Variants in MAGI2 observed in about 807,000 individuals in gnomAD.
MAGI2 encodes membrane-associated guanylate kinase, WW and PDZ domain-containing protein 2.
Under a neutral mutation model 133.3 loss-of-function variants are expected in MAGI2, and 35 were observed. The ratio of observed to expected loss-of-function variants is 0.26; its 90% CI spans 0.20 to 0.35. MAGI2 has a LOEUF of 0.35. Among genes scored for constraint, MAGI2 ranks in the 10% least tolerant of loss-of-function variants. The pLI, the probability that MAGI2 is intolerant of heterozygous loss-of-function variation, is 1.00. For synonymous variants in MAGI2, 729 were observed against 710.6 expected, an observed-to-expected ratio of 1.03 and a Z score of -0.41; for missense variants, 1,636 against 1,863.4, an observed-to-expected ratio of 0.88 and a Z score of 2.25.
At chr7:78,781,319 C>A (rs1826376639) in intron 2 of MAGI2, among the ~76,000 whole-genome samples, 2 of 140,998 alleles carry the variant, frequency 1.4e-5, no homozygotes, top group Admixed American at 1.6e-4. Flanking sequence ...ATGGAGCTTG[C>A]AGTGAGCCGA....
intron 4 of MAGI2, among the ~76,000 whole-genome samples, chr7:78,519,686 C>A (rs1241269912): frequency 6.6e-6 from 1 of 152,108 alleles, no homozygotes; most frequent in East Asian, 1.9e-4. Flanking sequence ...CATAATTAAA[C>A]AAGTTTCTAG....
chr7:78,783,409 C>T (rs1192799724), intron 2 of MAGI2, among the ~76,000 whole-genome samples: 1 of 152,004 alleles, frequency 6.6e-6, no homozygotes, highest in Admixed American at 6.6e-5. Context: ...GTTGATTTAA[C>T]CTGGAGATGG....
intron 1 of MAGI2, among the ~76,000 whole-genome samples, chr7:79,038,531 A>AT (rs1811327238): frequency 6.6e-6 from 1 of 152,124 alleles, no homozygotes; most frequent in African/African-American, 2.4e-5. Flanking sequence ...TTATACTTTC[A>AT]TTTTTTAAAA....
At chr7:78,982,273 C>G (rs1239563885) in intron 2 of MAGI2, among the ~76,000 whole-genome samples, 1 of 151,852 alleles carries the variant, frequency 6.6e-6, no homozygotes, top group Non-Finnish European at 1.5e-5. Context: ...AAAAGGATTT[C>G]TACTTTGGCT....
chr7:78,162,764 AAAATCAGGAAGTTAAGAAGACTTCGAAG>A (rs1379611279), intron 15 of MAGI2, among the ~76,000 whole-genome samples: 1 of 152,138 alleles, frequency 6.6e-6, no homozygotes, highest in East Asian at 1.9e-4. Context: ...GAGCATATTT[AAAATCAGGAAGTTAAGAAGACTTCGAAG>A]GTCTTCCTGG....
intron 1 of MAGI2, among the ~76,000 whole-genome samples, chr7:79,203,871 C>A (rs998644241): frequency 4.6e-5 from 7 of 152,048 alleles, no homozygotes; most frequent in African/African-American, 1.5e-4. Context: ...GGGTAGGACT[C>A]TCCAGTGGTC....
chr7:78,190,773 A>G (rs10278766), intron 12 of MAGI2, among the ~76,000 whole-genome samples: 102,178 of 152,138 alleles, frequency 0.67, 34,369 homozygotes, highest in East Asian at 0.81. Context: ...CATTAGGAAT[A>G]TTAGCATACA....
chr7:78,558,960 C>T (rs1261597518), intron 3 of MAGI2, among the ~76,000 whole-genome samples: 5 of 148,070 alleles, frequency 3.4e-5, no homozygotes, highest in African/African-American at 1.0e-4. Context: ...CTTAAATATA[C>T]ATGAGACTAA....
At chr7:78,262,776 C>CA (rs1034731896) in intron 9 of MAGI2, among the ~76,000 whole-genome samples, 27 of 152,290 alleles carry the variant, frequency 1.8e-4, no homozygotes, top group African/African-American at 6.3e-4. Flanking sequence ...AATTCTAAGA[C>CA]AAAGGCCCTT....
chr7:79,418,546 T>G (rs961067359), intron 1 of MAGI2, among the ~76,000 whole-genome samples: 5 of 152,060 alleles, frequency 3.3e-5, no homozygotes, highest in African/African-American at 1.2e-4. Flanking sequence ...GACCAATGTA[T>G]GAAATTGTTT....
rs372839661 is a variant in MAGI2 at position 78,695,843 on chromosome 7, G to T, written c.419-68604C>A. Among the ~76,000 whole-genome samples, 3 of 152,282 alleles carry T rather than the reference G, an allele frequency of 2.0e-5. No individual in the cohort carries two copies. The East Asian group carries it at 5.8e-4, about 29-fold the overall frequency. ...TGGGCTTGTTTCTGCTGCCCCATCA[G>T]GAGGCTTCCAGAAACAAGATTTCTG... On this transcript the variant is annotated intron_variant, in intron 2 of 21. Transcript: ENST00000354212.
In MAGI2 at chr7:79,005,729, T is replaced by C. The variant is rs191995237; in HGVS notation, c.418+1361A>G. ...TGCTGCACTGACAACATCATAGCTT[T>C]GAAAATGCGTCCACCCGTTACCTTA... On this transcript the variant is annotated intron_variant, in intron 2 of 21. Coordinates refer to ENST00000354212, the MANE Select transcript of MAGI2 (RefSeq NM_012301.4). Among the ~76,000 whole-genome samples, 4 of 152,324 alleles carry C rather than the reference T, an allele frequency of 2.6e-5. No individual in the cohort carries two copies. In the East Asian group the frequency reaches 7.7e-4, roughly 29 times the overall value.
chr7:78,393,482 GT>G (rs1405555911), intron 6 of MAGI2, among the ~76,000 whole-genome samples: 1 of 152,138 alleles, frequency 6.6e-6, no homozygotes, highest in East Asian at 1.9e-4. Context: ...ACCTCTCTTT[GT>G]TTTTTCTTAT....
At chr7:78,655,182 A>G (rs187727245) in intron 2 of MAGI2, among the ~76,000 whole-genome samples, 11 of 151,994 alleles carry the variant, frequency 7.2e-5, no homozygotes, top group Non-Finnish European at 1.5e-4. Context: ...GAAAAAGGCT[A>G]AAAAAGTGAT....
chr7:78,484,273 T>C lies in MAGI2; in HGVS notation c.1045+5488A>G, dbSNP rs1212590647. On this transcript the variant is annotated intron_variant, in intron 6 of 21. Coordinates refer to ENST00000354212, the MANE Select transcript of MAGI2 (RefSeq NM_012301.4). The stretch of plus-strand genomic sequence containing the variant: ...TGAAAAACATCCTGTTTAATATGTA[T>C]TGTAAAGCATGGCGTATGCTGTCTT... The C allele has an allele frequency of 3.3e-5, 5 of 152,126 alleles. No homozygotes were observed. In the South Asian group the frequency reaches 8.3e-4, roughly 25 times the overall value. 9.4% of individuals were successfully genotyped at this position (152,126 alleles called of 1,614,324 possible). A position where few individuals can be genotyped will look rare whatever the true frequency, so the allele number is the denominator to read the frequency against.
intron 1 of MAGI2, among the ~76,000 whole-genome samples, chr7:79,440,395 T>C (rs991193253): frequency 6.6e-6 from 1 of 152,098 alleles, no homozygotes; most frequent in African/African-American, 2.4e-5. Context: ...CTTGATTATG[T>C]TCTATTTTGG....
chr7:78,929,824 A>G (rs949724778), intron 2 of MAGI2, among the ~76,000 whole-genome samples: 1 of 152,208 alleles, frequency 6.6e-6, no homozygotes, highest in African/African-American at 2.4e-5. Flanking sequence ...GGGCATAGAC[A>G]TCTTGGAGGG....
At chr7:78,828,428 A>G (rs1181265307) in intron 2 of MAGI2, among the ~76,000 whole-genome samples, 1 of 152,162 alleles carries the variant, frequency 6.6e-6, no homozygotes, top group Non-Finnish European at 1.5e-5. Context: ...TACCCTAACC[A>G]TGAAACAAAA....
At chr7:78,301,318 A>G (rs1162051260) in intron 9 of MAGI2, among the ~76,000 whole-genome samples, 1 of 152,220 alleles carries the variant, frequency 6.6e-6, no homozygotes, top group Non-Finnish European at 1.5e-5. Flanking sequence ...AGTAAATTTC[A>G]GAAAAAAAAC....
Sources: allele counts gnomAD v4.1 joint callset (sites outside exome capture counted in the v4.1 genomes callset), GRCh38; gene constraint gnomAD v4.1.1; transcripts MANE v1.5; gene names NCBI Gene and HGNC (gene_info 2026-07-23, HGNC 2026-07-21).